The following EXO1 variants were observed in gnomAD, a reference collection of about 807,000 sequenced individuals.
EXO1 encodes exonuclease 1.
In EXO1, 69 loss-of-function variants were observed where a neutral mutation model predicts 84.5. The observed-to-expected ratio is 0.82, with a 90% CI of 0.67 to 1.00. The LOEUF (loss-of-function observed/expected upper bound fraction) is 1.00, where lower values mean the gene tolerates loss of function less well. Ranked by LOEUF, EXO1 falls within the 50% of genes least tolerant of loss-of-function variation. The pLI is 0.00. For synonymous variants in EXO1, 373 were observed against 366.1 expected (o/e 1.02, Z -0.21); for missense variants, 1,045 against 1,000.7 (o/e 1.04, Z -0.60).
chr1:241,856,230 C>G (rs1661026604), intron 6 of EXO1, among the ~76,000 whole-genome samples: 1 of 151,386 alleles, frequency 6.6e-6, no homozygotes, highest in Non-Finnish European at 1.5e-5. Flanking sequence ...GCAGCAGGAT[C>G]TTGATACCTC....
At chr1:241,863,041 C>T (rs1661490810) in intron 10 of EXO1, among the ~76,000 whole-genome samples, 1 of 152,158 alleles carries the variant, frequency 6.6e-6, no homozygotes, top group Non-Finnish European at 1.5e-5. Context: ...GTAAGTGCTA[C>T]GCTAAAGAGG....
At chr1:241,863,066 T>C (rs1354651370) in intron 10 of EXO1, among the ~76,000 whole-genome samples, 1 of 152,114 alleles carries the variant, frequency 6.6e-6, no homozygotes, top group African/African-American at 2.4e-5. Flanking sequence ...CCAGGCTCTG[T>C]GGAAATAAAA....
chr1:241,853,024 A>C (rs1357572901), intron 5 of EXO1, among the ~76,000 whole-genome samples: 1 of 152,216 alleles, frequency 6.6e-6, no homozygotes, highest in East Asian at 1.9e-4. Flanking sequence ...ATGTGAACAG[A>C]TTTCCTTAAA....
At chr1:241,878,237 G>A (rs1318933964) in intron 12 of EXO1, among the ~76,000 whole-genome samples, 5 of 152,170 alleles carry the variant, frequency 3.3e-5, no homozygotes, top group Admixed American at 6.5e-5. Flanking sequence ...TGTGGCTCAC[G>A]CCTGTAATCC....
chr1:241,869,934 T>C (rs1661994305), intron 11 of EXO1, among the ~76,000 whole-genome samples: 2 of 152,056 alleles, frequency 1.3e-5, no homozygotes, highest in South Asian at 4.1e-4. Flanking sequence ...TGCCTCAGCC[T>C]CCCGAGTAGC....
At chr1:241,850,663 G>A in intron 4 of EXO1, 77 bp downstream of exon 4, 2 of 1,235,774 alleles carry the variant, frequency 1.6e-6, no homozygotes, top group South Asian at 1.2e-5. Context: ...CCCCAGAAAC[G>A]GATTGTTTTC....
At chr1:241,876,884 G>A (rs762647276) in intron 12 of EXO1, among the ~76,000 whole-genome samples, 2 of 152,072 alleles carry the variant, frequency 1.3e-5, no homozygotes, top group Non-Finnish European at 2.9e-5. Flanking sequence ...TTTTAGTTGA[G>A]TCGTCTTTCA....
At chr1:241,871,262 A>C (rs1468428356) in intron 11 of EXO1, among the ~76,000 whole-genome samples, 1 of 152,136 alleles carries the variant, frequency 6.6e-6, no homozygotes, top group East Asian at 1.9e-4. Context: ...GCCTTTTAAA[A>C]ATTTGAGACA....
intron 4 of EXO1, among the ~76,000 whole-genome samples, chr1:241,852,022 G>A (rs1183406252): frequency 2.6e-5 from 4 of 152,146 alleles, no homozygotes; most frequent in Admixed American, 6.5e-5. Context: ...AGAATTAGAA[G>A]GGATATCAAA....
At chr1:241,882,819 C>T (rs1662852194) in intron 14 of EXO1, among the ~76,000 whole-genome samples, 1 of 152,028 alleles carries the variant, frequency 6.6e-6, no homozygotes, top group South Asian at 2.1e-4. Context: ...TAATTATACT[C>T]ATTTTTTATG....
chr1:241,859,314 C>T (rs1447760200), intron 8 of EXO1, among the ~76,000 whole-genome samples: 3 of 152,134 alleles, frequency 2.0e-5, no homozygotes, highest in Admixed American at 6.5e-5. Flanking sequence ...TAATAGAAGA[C>T]AGCTGTGTTC....
rs1661195062 is a variant in EXO1 at position 241,858,567 on chromosome 1, T to C, written c.605T>C (p.Met202Thr). 1.2e-6 allele frequency: 2 copies of C among 1,614,066 alleles called. No homozygotes were observed. Among genetic ancestry groups the C allele is most frequent in the African/African-American group, 1.3e-5 (1 of 74,950 alleles). ...GLEIDQARLG[M>T]CRQLGDVFTE... is the part of the protein sequence containing the mutation. ...GAAATTGATCAAGCTCGGCTAGGAA[T>C]GTGCAGACAGCTTGGGGATGTATTC... Residue 202 changes from methionine (M) to threonine (T), a missense_variant, in exon 8 of 16, where the codon ATG (methionine) becomes ACG (threonine). Met to Thr is a moderately conservative substitution (Grantham distance 81, BLOSUM62 -1). Coordinates refer to ENST00000366548, the MANE Select transcript of EXO1 (RefSeq NM_130398.4).
At position 241,872,246 on chromosome 1, in the gene EXO1, T is replaced by C; in HGVS notation, c.1482T>C (p.Ser494=). The C allele has an allele frequency of 2.5e-6, 4 of 1,614,024 alleles. No homozygotes were observed. Among genetic ancestry groups the C allele is most frequent in the Non-Finnish European group, 3.4e-6 (4 of 1,179,954 alleles). ...TTTTACAAAGGAAAAATGAAGAAAG[T>C]GGTGCAGTTGTGGTTCCAGGGACCA... ...ATFLQRKNEE[S]GAVVVPGTRS... The change falls in exon 12 of 16, where the codon AGT becomes AGC. Residue 494 remains serine, a synonymous_variant. Transcript: ENST00000366548.
At chr1:241,878,379 C>A (rs188701362) in intron 12 of EXO1, among the ~76,000 whole-genome samples, 3 of 152,142 alleles carry the variant, frequency 2.0e-5, no homozygotes, top group Admixed American at 2.0e-4. Flanking sequence ...TGCCTGTAAT[C>A]CCACCTACTC....
intron 11 of EXO1, among the ~76,000 whole-genome samples, chr1:241,868,988 G>A (rs1186751948): frequency 6.6e-6 from 1 of 152,054 alleles, no homozygotes; most frequent in Non-Finnish European, 1.5e-5. Context: ...TCTCTTTTGT[G>A]GACTATGTAG....
chr1:241,858,699 A>G lies in EXO1; in HGVS notation c.737A>G (p.Asn246Ser), dbSNP rs765785025. 8 of 1,611,152 alleles carry G rather than the reference A, an allele frequency of 5.0e-6. No homozygotes were observed. Among genetic ancestry groups the G allele is most frequent in the Admixed American group, 1.7e-5 (1 of 60,002 alleles). The change falls in exon 8 of 16, where the codon AAT becomes AGT. Residue 246 changes from asparagine to serine, a missense_variant. Coordinates refer to ENST00000366548, the MANE Select transcript of EXO1 (RefSeq NM_130398.4). ...AKACKVLRLA[N>S]NPDIVKVIKK... ...GCATGCAAAGTCCTAAGACTAGCCAATAATCCAGATATAGTAAAGGTAAGA... is the reference window on the plus strand; with the variant it reads ...GCATGCAAAGTCCTAAGACTAGCCAGTAATCCAGATATAGTAAAGGTAAGA...
At chr1:241,850,840 T>C (rs80239352) in intron 4 of EXO1, among the ~76,000 whole-genome samples, 2 of 115,370 alleles carry the variant, frequency 1.7e-5, no homozygotes, top group African/African-American at 6.7e-5. Context: ...TTTATTCTTT[T>C]TTTTTTTTTT....
At chr1:241,882,804 G>A (rs1662851406) in intron 14 of EXO1, among the ~76,000 whole-genome samples, 1 of 152,062 alleles carries the variant, frequency 6.6e-6, no homozygotes, top group South Asian at 2.1e-4. Context: ...TCAAAAAAAT[G>A]TTTTTAATTA....
At chr1:241,880,166 T>A (rs981150782) in intron 13 of EXO1, among the ~76,000 whole-genome samples, 3 of 152,188 alleles carry the variant, frequency 2.0e-5, no homozygotes, top group Non-Finnish European at 4.4e-5. Flanking sequence ...AACACAGGTG[T>A]GCATACTGGT....
Sources: allele counts gnomAD v4.1 joint callset (sites outside exome capture counted in the v4.1 genomes callset), GRCh38; gene constraint gnomAD v4.1.1; transcripts MANE v1.5; gene names NCBI Gene and HGNC (gene_info 2026-07-23, HGNC 2026-07-21).